The following ERBB4 variants were observed in gnomAD, a reference collection of about 807,000 sequenced individuals.
ERBB4 encodes erb-b2 receptor tyrosine kinase 4.
ERBB4 carries 42 observed loss-of-function variants against 158.0 expected under a neutral mutation model. The ratio of observed to expected loss-of-function variants is 0.27; its 90% CI spans 0.21 to 0.34. The LOEUF (loss-of-function observed/expected upper bound fraction) is 0.34. Ranked by LOEUF, ERBB4 falls within the 10% of genes least tolerant of loss-of-function variation. The pLI is 1.00. For missense variants in ERBB4, 1,333 were observed against 1,624.1 expected (o/e 0.82, Z 3.08); for synonymous variants, 583 against 558.7 (o/e 1.04, Z -0.61).
At chr2:211,555,336 C>T (rs185806100) in intron 20 of ERBB4, among the ~76,000 whole-genome samples, 2 of 152,098 alleles carry the variant, frequency 1.3e-5, no homozygotes, top group Non-Finnish European at 2.9e-5. Context: ...CAGGCATGTG[C>T]CCCTATGCCC....
chr2:211,928,528 CA>C (rs1322760458), intron 3 of ERBB4, among the ~76,000 whole-genome samples: 1 of 152,152 alleles, frequency 6.6e-6, no homozygotes, highest in African/African-American at 2.4e-5. Flanking sequence ...CTTTTGTGTG[CA>C]AACAGAAGTT....
intron 1 of ERBB4, among the ~76,000 whole-genome samples, chr2:212,495,483 CTAAT>C (rs1464638614): frequency 6.6e-6 from 1 of 152,178 alleles, no homozygotes; most frequent in East Asian, 1.9e-4. Flanking sequence ...CTACTAGCAA[CTAAT>C]TAAAGGAACA....
intron 1 of ERBB4, among the ~76,000 whole-genome samples, chr2:212,147,185 T>TTTTA (rs2080708974): frequency 7.2e-6 from 1 of 138,846 alleles, no homozygotes; most frequent in East Asian, 2.0e-4. Flanking sequence ...TTTTTTTTTT[T>TTTTA]TGTAGAGATG....
chr2:212,411,883 C>T (rs769950827), intron 1 of ERBB4, among the ~76,000 whole-genome samples: 2 of 152,130 alleles, frequency 1.3e-5, no homozygotes, highest in Non-Finnish European at 2.9e-5. Context: ...TCCAGACCAT[C>T]CTCTTAGACA....
chr2:212,187,438 A>AATAT (rs1293934865), intron 1 of ERBB4, among the ~76,000 whole-genome samples: 1 of 150,802 alleles, frequency 6.6e-6, no homozygotes, highest in Non-Finnish European at 1.5e-5. Context: ...TAAATAAATA[A>AATAT]ATAAATAAAT....
chr2:212,354,336 C>G (rs1034565590), intron 1 of ERBB4, among the ~76,000 whole-genome samples: 2 of 152,012 alleles, frequency 1.3e-5, no homozygotes, highest in Admixed American at 6.6e-5. Flanking sequence ...TCCTGAGGTG[C>G]TTTGCAATTA....
Position 212,417,078 on chromosome 2 carries a change from G to C in ERBB4, c.82+121371C>G, listed in dbSNP as rs145975793. On this transcript the variant is annotated intron_variant, in intron 1 of 27. Coordinates refer to ENST00000342788, the MANE Select transcript of ERBB4 (RefSeq NM_005235.3). ...GAAATTTTGAAAAATTAGCGTTCAAGATAGAAAGATCAAGAGATGGGTTTT... is the reference window on the plus strand; with the variant it reads ...GAAATTTTGAAAAATTAGCGTTCAACATAGAAAGATCAAGAGATGGGTTTT... Among the ~76,000 whole-genome samples, 287 of 152,154 alleles carry C rather than the reference G, an allele frequency of 1.9e-3. 3 individuals are homozygous for C. The highest frequency in any genetic ancestry group is 6.4e-3 in the African/African-American group (264 of 41,574).
At chr2:212,473,168 T>C (rs1256386651) in intron 1 of ERBB4, among the ~76,000 whole-genome samples, 2 of 152,050 alleles carry the variant, frequency 1.3e-5, no homozygotes, top group Non-Finnish European at 2.9e-5. Context: ...AGCATTAACA[T>C]TGCTAATTAA....
At chr2:212,432,353 T>C (rs983846755) in intron 1 of ERBB4, among the ~76,000 whole-genome samples, 1 of 152,286 alleles carries the variant, frequency 6.6e-6, no homozygotes, top group Middle Eastern at 3.4e-3. Flanking sequence ...CTGTGAAATA[T>C]ATTACTGGTT....
At chr2:211,587,196 A>T (rs866225169) in intron 19 of ERBB4, among the ~76,000 whole-genome samples, 18 of 151,504 alleles carry the variant, frequency 1.2e-4, no homozygotes, top group Middle Eastern at 3.4e-3. Flanking sequence ...CTACTTACAA[A>T]AAAAAAAAAA....
intron 25 of ERBB4, among the ~76,000 whole-genome samples, chr2:211,419,968 TCTGTGTTTCTACTTCAAC>T (rs1421556917): frequency 6.6e-6 from 1 of 152,070 alleles, no homozygotes; most frequent in African/African-American, 2.4e-5. Context: ...TGCACGGTTT[TCTGTGTTTCTACTTCAAC>T]TTGACAGAAA....
At chr2:212,249,801 C>T (rs1329012825) in intron 1 of ERBB4, among the ~76,000 whole-genome samples, 1 of 151,960 alleles carries the variant, frequency 6.6e-6, no homozygotes, top group African/African-American at 2.4e-5. Context: ...TACAAGCTGA[C>T]CTCAGAAACA....
At chr2:212,397,346 T>A (rs1560207943) in intron 1 of ERBB4, among the ~76,000 whole-genome samples, 1 of 151,816 alleles carries the variant, frequency 6.6e-6, no homozygotes, top group Non-Finnish European at 1.5e-5. Context: ...GGTGGCACGC[T>A]CCTGCAGTCC....
At chr2:212,362,088 A>G (rs2089709602) in intron 1 of ERBB4, among the ~76,000 whole-genome samples, 1 of 151,616 alleles carries the variant, frequency 6.6e-6, no homozygotes, top group East Asian at 1.9e-4. Context: ...AAACTTTCAA[A>G]GAGTTATAAT....
intron 25 of ERBB4, among the ~76,000 whole-genome samples, chr2:211,391,659 A>G (rs1046520588): frequency 4.4e-4 from 67 of 152,222 alleles, no homozygotes; most frequent in African/African-American, 1.5e-3. Flanking sequence ...TCAGTAAATG[A>G]ATCAAATACG....
intron 3 of ERBB4, among the ~76,000 whole-genome samples, chr2:211,870,209 T>C (rs975459843): frequency 3.3e-5 from 5 of 152,196 alleles, no homozygotes; most frequent in African/African-American, 1.2e-4. Context: ...ATTATTTTAA[T>C]GCATGTCATT....
At chr2:212,087,208 G>T (rs1450533341) in intron 2 of ERBB4, among the ~76,000 whole-genome samples, 1 of 151,508 alleles carries the variant, frequency 6.6e-6, no homozygotes, top group Non-Finnish European at 1.5e-5. Context: ...TCTTCTAAAG[G>T]CCATCACCAA....
rs1559317425 is a variant in ERBB4, at chr2:211,580,855, G to GATTTA, written c.2302-18768_2302-18767insTAAAT. Among the ~76,000 whole-genome samples the GATTTA allele has an allele frequency of 5.0e-4, 7 of 13,896 alleles. No homozygotes were observed. The Admixed American group carries it at 7.5e-3, about 15-fold the overall frequency. The allele number at this position is 13,896 out of a possible 152,430, so 9.1% of individuals were successfully genotyped here. On this transcript the variant is annotated intron_variant, in intron 19 of 27. Coordinates refer to ENST00000342788, the MANE Select transcript of ERBB4 (RefSeq NM_005235.3). Reference sequence around the variant, plus strand: ...ATATAGATTATATATTATATATATAGTATGCATATACATATATATATATAT... The same window carrying GATTTA: ...ATATAGATTATATATTATATATATAGATTTATATGCATATACATATATATATATAT...
In ERBB4 at chr2:211,986,874, C is replaced by T. The variant is rs867604266; in HGVS notation, c.235-39258G>A. Among the ~76,000 whole-genome samples the T allele has an allele frequency of 4.6e-5, 7 of 152,140 alleles. No homozygotes were observed. In the South Asian group the frequency reaches 1.4e-3, roughly 32 times the overall value. ...TGAAGTAAAGTTTATTTAATATTTA[C>T]AAAGACTCTGGTGGAATTAAGAACA... On this transcript the variant is annotated intron_variant, in intron 2 of 27. Transcript: ENST00000342788.
Sources: allele counts gnomAD v4.1 joint callset (sites outside exome capture counted in the v4.1 genomes callset), GRCh38; gene constraint gnomAD v4.1.1; transcripts MANE v1.5; gene names NCBI Gene and HGNC (gene_info 2026-07-23, HGNC 2026-07-21).